Variants in PAICS observed in about 807,000 individuals in gnomAD.
PAICS encodes phosphoribosylaminoimidazole carboxylase and phosphoribosylaminoimidazolesuccinocarboxamide synthase, also known as bifunctional phosphoribosylaminoimidazole carboxylase/phosphoribosylaminoimidazole succinocarboxamide synthetase.
Under a neutral mutation model 53.7 loss-of-function variants are expected in PAICS, and 33 were observed. The observed-to-expected ratio is 0.61, with a 90% confidence interval of 0.47 to 0.82. The LOEUF is 0.82. PAICS is among the 40% of genes least tolerant of loss of function. The pLI, the probability that PAICS is intolerant of heterozygous loss-of-function variation, is 0.00. For synonymous variants in PAICS, 141 were observed against 167.2 expected (o/e 0.84, Z 1.21); for missense variants, 394 against 494.1 (o/e 0.80, Z 1.92).
chr4:56,412,115 GT>G, the PAICS span, among the ~76,000 whole-genome samples: 4 of 152,170 alleles, frequency 2.6e-5, no homozygotes, highest in African/African-American at 9.6e-5. Context: ...TTAACCAGGA[GT>G]TGGTCTGATG....
At chr4:56,446,052 G>A (rs1718599611) in intron 2 of PAICS, among the ~76,000 whole-genome samples, 1 of 152,094 alleles carries the variant, frequency 6.6e-6, no homozygotes, top group Admixed American at 6.5e-5. Flanking sequence ...CAAATGTTAT[G>A]AGGATTAAAC....
chr4:56,427,963 A>G, the PAICS span, among the ~76,000 whole-genome samples: 1 of 152,222 alleles, frequency 6.6e-6, no homozygotes, highest in Non-Finnish European at 1.5e-5. Flanking sequence ...ACTTCTCACT[A>G]AAAGAAATTT....
chr4:56,432,009 G>A (rs531834668), upstream of PAICS, among the ~76,000 whole-genome samples: 24 of 152,296 alleles, frequency 1.6e-4, no homozygotes, highest in South Asian at 5.0e-3. Context: ...TACTAAAAAC[G>A]GGGAGTACAT....
chr4:56,444,953 C>T (rs1718529720), intron 2 of PAICS, among the ~76,000 whole-genome samples: 1 of 152,122 alleles, frequency 6.6e-6, no homozygotes, highest in African/African-American at 2.4e-5. Flanking sequence ...GTAGTTACCA[C>T]CCCAAGTTGA....
rs780099290 is a variant in PAICS, at chr4:56,448,598, G to C, written c.573+1G>C. On this transcript the variant is annotated splice_donor_variant, in intron 4 of 8. Transcript: ENST00000512576. LOFTEE classifies it high-confidence loss of function. ...GAATTGTACACTGGTTGATATGAAG[G>C]TACAGATAAAACAAGTACAGATAAA... is the stretch of plus-strand genomic sequence containing the variant. The C allele has an allele frequency of 6.4e-7, 1 of 1,560,476 alleles. No homozygotes were observed. The highest frequency in any genetic ancestry group is 8.6e-7 in the Non-Finnish European group (1 of 1,162,350).
chr4:56,455,226 A>AG (rs1719130048), intron 8 of PAICS, among the ~76,000 whole-genome samples: 1 of 152,180 alleles, frequency 6.6e-6, no homozygotes. Context: ...ATCACGTAAC[A>AG]GTGTTGTGGT....
the PAICS span, among the ~76,000 whole-genome samples, chr4:56,419,080 A>G: frequency 2.6e-5 from 4 of 152,348 alleles, no homozygotes; most frequent in South Asian, 6.2e-4. Context: ...TACACATTAG[A>G]TTCACAGTCT....
chr4:56,414,537 G>C, the PAICS span, among the ~76,000 whole-genome samples: 2 of 152,168 alleles, frequency 1.3e-5, no homozygotes, highest in Non-Finnish European at 2.9e-5. Context: ...TGTATCGCAA[G>C]TAATGATTTA....
chr4:56,415,676 TTATC>T, the PAICS span, among the ~76,000 whole-genome samples: 4 of 152,202 alleles, frequency 2.6e-5, no homozygotes, highest in East Asian at 1.9e-4. Context: ...CATTTTCTAA[TTATC>T]TATCTCATTG....
chr4:56,451,911 T>C lies in PAICS; in HGVS notation c.811T>C (p.Leu271=). ...KSESQCRVVV[L]MGSTSDLGHC... is the part of the protein sequence containing the mutation. ...AGAAAGTCAGTGCAGGGTTGTAGTG[T>C]TGATGGGCTCTACTTCTGATCTTGG... The change falls in exon 7 of 9, where the codon TTG becomes CTG. Residue 271 remains leucine, a synonymous_variant. Coordinates refer to ENST00000512576, the MANE Select transcript of PAICS (RefSeq NM_001079524.2). 6.2e-7 allele frequency: 1 copy of C among 1,607,368 alleles called. No homozygotes were observed. The highest frequency in any genetic ancestry group is 8.5e-7 in the Non-Finnish European group (1 of 1,176,784).
chr4:56,435,284 C>A, upstream of PAICS: 2 of 1,601,188 alleles, frequency 1.2e-6, no homozygotes, highest in Non-Finnish European at 1.7e-6. Context: ...ATGAGAACGC[C>A]GACTGCGGGA....
At chr4:56,414,675 G>A in the PAICS span, among the ~76,000 whole-genome samples, 1 of 152,150 alleles carries the variant, frequency 6.6e-6, no homozygotes, top group Non-Finnish European at 1.5e-5. Context: ...ACTACCATCT[G>A]TATGTTTGGT....
intron 2 of PAICS, 123 bp downstream of exon 2, chr4:56,441,983 T>A: frequency 1.5e-6 from 1 of 661,852 alleles, no homozygotes; most frequent in Non-Finnish European, 2.6e-6. Flanking sequence ...TAAGTGAATT[T>A]AAATCAAACC....
upstream of PAICS, among the ~76,000 whole-genome samples, chr4:56,433,129 A>C (rs1051141990): frequency 6.6e-6 from 1 of 151,956 alleles, no homozygotes; most frequent in African/African-American, 2.4e-5. Flanking sequence ...TTCCAAGCAG[A>C]ATCAGTCCTC....
the PAICS span, chr4:56,423,231 T>C: frequency 6.6e-6 from 1 of 152,256 alleles, no homozygotes; most frequent in Non-Finnish European, 1.5e-5. Context: ...TCAAATTTCC[T>C]ATACTCCTGG....
chr4:56,410,935 T>C, the PAICS span: 1 of 929,442 alleles, frequency 1.1e-6, no homozygotes, highest in Non-Finnish European at 1.3e-6. Context: ...AAAAGAAAAG[T>C]ACTCTTGTTT....
intron 8 of PAICS, 31 bp downstream of exon 8, chr4:56,453,792 C>G: frequency 6.8e-7 from 1 of 1,463,724 alleles, no homozygotes; most frequent in South Asian, 1.2e-5. Context: ...AAAAACTGTT[C>G]ATTACAAGCA....
the PAICS span, among the ~76,000 whole-genome samples, chr4:56,413,973 T>C: frequency 6.6e-6 from 1 of 152,228 alleles, no homozygotes. Context: ...ATATACAAAT[T>C]GGTAACTTTT....
At chr4:56,437,258 T>G (rs1241580189) in intron 1 of PAICS, among the ~76,000 whole-genome samples, 5 of 85,118 alleles carry the variant, frequency 5.9e-5, no homozygotes, top group African/African-American at 9.4e-5. Flanking sequence ...GCCATGATGG[T>G]GTGTGTGTGT....
Sources: gnomAD v4.1 joint callset for allele counts (sites outside exome capture counted in the v4.1 genomes callset) on GRCh38, gnomAD v4.1.1 for gene constraint, MANE v1.5 for transcripts, NCBI Gene and HGNC (gene_info 2026-07-23, HGNC 2026-07-21) for gene names.